Variants in L3MBTL4 observed in about 807,000 individuals in gnomAD.
L3MBTL4 encodes the protein lethal(3)malignant brain tumor-like protein 4.
Under a neutral mutation model 84.5 loss-of-function variants are expected in L3MBTL4, and 70 were observed. The observed-to-expected ratio is 0.83, with a 90% CI of 0.68 to 1.01. L3MBTL4 has a LOEUF of 1.01. Among genes scored for constraint, L3MBTL4 ranks in the 50% least tolerant of loss-of-function variants. The pLI is 0.00. For missense variants in L3MBTL4, 715 were observed against 754.8 expected (o/e 0.95, Z 0.62); for synonymous variants, 274 against 259.8 (o/e 1.05, Z -0.52).
At chr18:6,349,810 G>A (rs569514501) in intron 1 of L3MBTL4, among the ~76,000 whole-genome samples, 3 of 152,300 alleles carry the variant, frequency 2.0e-5, no homozygotes, top group African/African-American at 7.2e-5. Context: ...CACCTGTGGT[G>A]GGAGGGGCTT....
intron 5 of L3MBTL4, chr18:6,259,266 T>G (rs1599376031): frequency 1.3e-5 from 2 of 152,416 alleles, no homozygotes. Flanking sequence ...GGAAAGAGGA[T>G]GACACCATTG....
At chr18:6,295,664 G>A (rs2050079297) in intron 4 of L3MBTL4, among the ~76,000 whole-genome samples, 1 of 151,954 alleles carries the variant, frequency 6.6e-6, no homozygotes, top group Non-Finnish European at 1.5e-5. Context: ...AAATGCACGT[G>A]GAGGCTTCAA....
intron 16 of L3MBTL4, among the ~76,000 whole-genome samples, chr18:6,016,221 C>A (rs944275308): frequency 6.6e-6 from 1 of 152,118 alleles, no homozygotes; most frequent in African/African-American, 2.4e-5. Flanking sequence ...TCCGGGGGAG[C>A]AGCAGGGGCA....
intron 15 of L3MBTL4, 152 bp downstream of exon 15, chr18:6,093,203 T>C: frequency 1.7e-6 from 1 of 579,134 alleles, no homozygotes; most frequent in East Asian, 3.1e-5. Flanking sequence ...AAGGCTTAGA[T>C]GAATTTTATC....
intron 16 of L3MBTL4, among the ~76,000 whole-genome samples, chr18:5,975,223 T>C (rs916137139): frequency 3.3e-5 from 5 of 152,212 alleles, no homozygotes; most frequent in Non-Finnish European, 7.3e-5. Context: ...AACCACAGTC[T>C]GCATGACTGG....
intron 16 of L3MBTL4, among the ~76,000 whole-genome samples, chr18:6,056,588 G>T (rs1464109271): frequency 1.3e-5 from 2 of 152,120 alleles, no homozygotes; most frequent in African/African-American, 4.8e-5. Context: ...GGCTCTCTAT[G>T]CGACAGGCAA....
At chr18:6,188,364 C>T (rs997210383) in intron 12 of L3MBTL4, among the ~76,000 whole-genome samples, 2 of 151,290 alleles carry the variant, frequency 1.3e-5, no homozygotes, top group Non-Finnish European at 2.9e-5. Context: ...AATAAATACA[C>T]TGATATTTTA....
At chr18:6,059,021 A>G (rs2145869844) in intron 16 of L3MBTL4, among the ~76,000 whole-genome samples, 1 of 152,322 alleles carries the variant, frequency 6.6e-6, no homozygotes, top group Middle Eastern at 3.4e-3. Flanking sequence ...ACAGCTCTGC[A>G]CAGTCAATAG....
intron 16 of L3MBTL4, among the ~76,000 whole-genome samples, chr18:6,078,190 G>T (rs2057928305): frequency 6.6e-6 from 1 of 151,400 alleles, no homozygotes; most frequent in African/African-American, 2.4e-5. Flanking sequence ...ACTTTGGGAG[G>T]CTGAGGAGGA....
chr18:6,360,599 A>T (rs1026732294), intron 1 of L3MBTL4, among the ~76,000 whole-genome samples: 2 of 152,172 alleles, frequency 1.3e-5, no homozygotes, highest in South Asian at 4.1e-4. Flanking sequence ...ACATTAGACC[A>T]CGAGATGGTG....
At chr18:6,320,819 A>T (rs1241810233) in intron 1 of L3MBTL4, among the ~76,000 whole-genome samples, 1 of 152,198 alleles carries the variant, frequency 6.6e-6, no homozygotes, top group East Asian at 1.9e-4. Flanking sequence ...ATCCAGAGGT[A>T]TCACATTACT....
At chr18:6,131,249 C>G (rs1294236185) in intron 14 of L3MBTL4, among the ~76,000 whole-genome samples, 1 of 152,188 alleles carries the variant, frequency 6.6e-6, no homozygotes, top group Non-Finnish European at 1.5e-5. Flanking sequence ...GGAGCATTTT[C>G]TAGAAAAGCA....
At chr18:6,057,382 A>T (rs977974776) in intron 16 of L3MBTL4, among the ~76,000 whole-genome samples, 1 of 152,242 alleles carries the variant, frequency 6.6e-6, no homozygotes, top group South Asian at 2.1e-4. Flanking sequence ...GCAAGAGTGT[A>T]TAACAATCTA....
intron 3 of L3MBTL4, among the ~76,000 whole-genome samples, chr18:6,303,230 A>T (rs1381558463): frequency 6.6e-6 from 1 of 151,940 alleles, no homozygotes; most frequent in Non-Finnish European, 1.5e-5. Context: ...GGTTCAAGTG[A>T]TTCTCCTGCC....
At chr18:5,998,162 T>C (rs1414175949) in intron 16 of L3MBTL4, among the ~76,000 whole-genome samples, 2 of 152,156 alleles carry the variant, frequency 1.3e-5, no homozygotes, top group African/African-American at 4.8e-5. Flanking sequence ...CAAACTCTCA[T>C]CCATTAGGTG....
intron 16 of L3MBTL4, among the ~76,000 whole-genome samples, chr18:6,009,684 C>A (rs1015642283): frequency 6.6e-6 from 1 of 152,110 alleles, no homozygotes; most frequent in Admixed American, 6.5e-5. Flanking sequence ...AAATATTGTA[C>A]TGTATAGTTT....
intron 4 of L3MBTL4, among the ~76,000 whole-genome samples, chr18:6,265,017 T>G (rs417482): frequency 6.6e-6 from 1 of 152,284 alleles, no homozygotes; most frequent in East Asian, 1.9e-4. Context: ...TGTAGACAAC[T>G]GTCTAAAGGC....
intron 11 of L3MBTL4, among the ~76,000 whole-genome samples, chr18:6,215,146 G>A (rs779121617): frequency 8.5e-5 from 13 of 152,138 alleles, no homozygotes; most frequent in Non-Finnish European, 1.8e-4. Flanking sequence ...GAAACACACA[G>A]AGAACTGAAA....
At chr18:6,006,933 T>C (rs529077402) in intron 16 of L3MBTL4, among the ~76,000 whole-genome samples, 15 of 152,278 alleles carry the variant, frequency 9.9e-5, no homozygotes, top group African/African-American at 3.6e-4. Flanking sequence ...GACATGATAT[T>C]ACAGGATAAA....
Sources: gnomAD v4.1 joint callset for allele counts (sites outside exome capture counted in the v4.1 genomes callset) on GRCh38, gnomAD v4.1.1 for gene constraint, MANE v1.5 for transcripts, NCBI Gene and HGNC (gene_info 2026-07-23, HGNC 2026-07-21) for gene names.